XKR9: variants seen among roughly 807,000 people sequenced by gnomAD.
XKR9 encodes the protein XK related 9, also known as XK-related protein 9.
A neutral mutation model predicts 32.0 loss-of-function variants in XKR9; 32 were observed. The observed-to-expected ratio is 1.00, with a 90% CI of 0.76 to 1.34. XKR9 has a LOEUF of 1.34. Ranked by LOEUF, XKR9 falls within the 40% of genes most tolerant of loss-of-function variation. XKR9 has a pLI of 0.00. For synonymous variants in XKR9, 168 were observed against 143.4 expected, an observed-to-expected ratio of 1.17 and a Z score of -1.22; for missense variants, 546 against 429.7, an observed-to-expected ratio of 1.27 and a Z score of -2.39.
chr8:71,010,539 C>G, the XKR9 span, among the ~76,000 whole-genome samples: 2 of 152,134 alleles, frequency 1.3e-5, no homozygotes, highest in Non-Finnish European at 2.9e-5. Flanking sequence ...TTCCTATTAT[C>G]TTGTGTTCAG....
At chr8:71,010,639 G>T in the XKR9 span, among the ~76,000 whole-genome samples, 39 of 152,110 alleles carry the variant, frequency 2.6e-4, 1 homozygote, top group African/African-American at 9.2e-4. Context: ...TCATTACATG[G>T]ACCCCGATTC....
the XKR9 span, among the ~76,000 whole-genome samples, chr8:70,804,566 G>A: frequency 1.3e-5 from 2 of 152,178 alleles, no homozygotes; most frequent in South Asian, 4.1e-4. Flanking sequence ...TGGGAAACAG[G>A]TTGGAAAATA....
chr8:70,829,284 A>G, the XKR9 span, among the ~76,000 whole-genome samples: 3 of 143,920 alleles, frequency 2.1e-5, no homozygotes, highest in Non-Finnish European at 4.6e-5. Context: ...AAATATAAGT[A>G]AGTTAAAACA....
chr8:70,921,156 G>A, the XKR9 span, among the ~76,000 whole-genome samples: 13 of 152,222 alleles, frequency 8.5e-5, 1 homozygote, highest in Admixed American at 7.9e-4. Flanking sequence ...AAAATGGAAG[G>A]ATGTAATAGG....
chr8:71,054,763 A>T, the XKR9 span, among the ~76,000 whole-genome samples: 1 of 152,136 alleles, frequency 6.6e-6, no homozygotes, highest in African/African-American at 2.4e-5. Flanking sequence ...GTTAAGTCAT[A>T]CTCCTTGGAT....
the XKR9 span, among the ~76,000 whole-genome samples, chr8:70,935,877 C>T: frequency 6.6e-6 from 1 of 151,900 alleles, no homozygotes; most frequent in South Asian, 2.1e-4. Context: ...TCTTTATTGC[C>T]CCATGTTCCA....
the XKR9 span, among the ~76,000 whole-genome samples, chr8:70,800,176 T>C: frequency 6.6e-6 from 1 of 152,238 alleles, no homozygotes; most frequent in Non-Finnish European, 1.5e-5. Flanking sequence ...TTGATTTACA[T>C]ATGTTGAACC....
the XKR9 span, among the ~76,000 whole-genome samples, chr8:70,885,717 C>T: frequency 6.6e-6 from 1 of 152,122 alleles, no homozygotes; most frequent in Non-Finnish European, 1.5e-5. Flanking sequence ...CTGCCTCAGC[C>T]TCCTAAGTAG....
At chr8:70,848,840 A>G in the XKR9 span, among the ~76,000 whole-genome samples, 95 of 152,250 alleles carry the variant, frequency 6.2e-4, no homozygotes, top group Non-Finnish European at 1.2e-3. Context: ...ACAAAAACCA[A>G]AAAACACAAA....
chr8:70,776,945 C>CTATATATATATA (rs1393735829), intron 2 of XKR9, among the ~76,000 whole-genome samples: 9 of 62,520 alleles, frequency 1.4e-4, no homozygotes, highest in African/African-American at 6.8e-4. Flanking sequence ...CTCTCTCTCT[C>CTATATATATATA]TCTATATATA....
chr8:70,907,554 A>G, the XKR9 span, among the ~76,000 whole-genome samples: 1 of 152,192 alleles, frequency 6.6e-6, no homozygotes, highest in African/African-American at 2.4e-5. Context: ...AAAGGTAGAA[A>G]ATATTGATGA....
the XKR9 span, among the ~76,000 whole-genome samples, chr8:70,968,860 G>A: frequency 5.9e-5 from 9 of 152,272 alleles, no homozygotes; most frequent in East Asian, 1.9e-4. Context: ...GATGCTTCCC[G>A]CATGCTCATG....
At chr8:71,002,223 T>TG in the XKR9 span, among the ~76,000 whole-genome samples, 1 of 151,920 alleles carries the variant, frequency 6.6e-6, no homozygotes, top group Admixed American at 6.6e-5. Context: ...CCTAATAGGC[T>TG]GGGTCAGTGG....
chr8:70,969,215 T>A, the XKR9 span, among the ~76,000 whole-genome samples: 14 of 152,328 alleles, frequency 9.2e-5, no homozygotes, highest in Middle Eastern at 6.8e-3. Context: ...TGGAAAAGCA[T>A]AAAATTAGCT....
At chr8:70,962,714 T>A in the XKR9 span, among the ~76,000 whole-genome samples, 1,467 of 152,318 alleles carry the variant, frequency 9.6e-3, 22 homozygotes, top group African/African-American at 0.034. Flanking sequence ...TGTAATTCAA[T>A]GTGCATGAGT....
chr8:70,951,173 C>T, the XKR9 span, among the ~76,000 whole-genome samples: 237 of 152,366 alleles, frequency 1.6e-3, 2 homozygotes, highest in African/African-American at 5.4e-3. Flanking sequence ...TCACCACTAC[C>T]ATAGGACAGC....
the XKR9 span, among the ~76,000 whole-genome samples, chr8:71,017,253 C>A: frequency 6.6e-6 from 1 of 152,152 alleles, no homozygotes; most frequent in Non-Finnish European, 1.5e-5. Flanking sequence ...TAGAGGGTAT[C>A]ATTTATAGAT....
chr8:70,837,811 T>A, the XKR9 span, among the ~76,000 whole-genome samples: 1 of 152,064 alleles, frequency 6.6e-6, no homozygotes, highest in African/African-American at 2.4e-5. Context: ...GTGCATTCCT[T>A]CTCTCTGTTT....
the XKR9 span, among the ~76,000 whole-genome samples, chr8:70,956,971 G>A: frequency 6.6e-6 from 1 of 152,104 alleles, no homozygotes; most frequent in Non-Finnish European, 1.5e-5. Context: ...TCACCAACTC[G>A]ATAGGGGGGC....
Sources: allele counts gnomAD v4.1 joint callset (sites outside exome capture counted in the v4.1 genomes callset), GRCh38; gene constraint gnomAD v4.1.1; transcripts MANE v1.5; gene names NCBI Gene and HGNC (gene_info 2026-07-23, HGNC 2026-07-21).